The following HTT variants were observed in gnomAD, a reference collection of about 807,000 sequenced individuals.
The protein encoded by HTT is huntington disease protein.
In HTT, 104 loss-of-function variants were observed where a neutral mutation model predicts 362.3. That is an observed-to-expected ratio of 0.29 (90% CI 0.24 to 0.34). The LOEUF (loss-of-function observed/expected upper bound fraction) is 0.34, where lower values mean the gene tolerates loss of function less well. HTT is among the 10% of genes least tolerant of loss of function. The pLI is 1.00. For synonymous variants in HTT, 1,577 were observed against 1,548.7 expected (o/e 1.02, Z -0.43); for missense variants, 3,301 against 3,928.6 (o/e 0.84, Z 4.27).
At chr4:3,199,540 CAA>C (rs35872985) in intron 40 of HTT, among the ~76,000 whole-genome samples, 190 bp from the exon 41 acceptor site, 36 of 111,246 alleles carry the variant, frequency 3.2e-4, no homozygotes, top group Admixed American at 3.7e-4. Flanking sequence ...AACTCTATCT[CAA>C]AAAAAAAAAA....
intron 22 of HTT, 83 bp downstream of exon 22, chr4:3,140,739 T>G: frequency 7.4e-7 from 1 of 1,350,784 alleles, no homozygotes; most frequent in Non-Finnish European, 1.0e-6. Flanking sequence ...TTGAAAACAT[T>G]TTATTTTCTA....
intron 6 of HTT, among the ~76,000 whole-genome samples, chr4:3,113,207 C>G (rs1578508754): frequency 6.6e-6 from 1 of 152,044 alleles, no homozygotes; most frequent in African/African-American, 2.4e-5. Flanking sequence ...CTGAGGAGGC[C>G]CCTTGGAGCT....
At chr4:3,089,583 A>C (rs1713396277) in intron 2 of HTT, among the ~76,000 whole-genome samples, 1 of 152,154 alleles carries the variant, frequency 6.6e-6, no homozygotes, top group Admixed American at 6.5e-5. Flanking sequence ...ATGACTTTAA[A>C]TACTTGGCAA....
Position 3,189,106 on chromosome 4 carries a change from C to T in HTT, c.5368+13C>T. ...ATCTTCAAGTCTGGTAGGTGAATCACATTAGTCTTCCTGGAGTGTCTCGTT... is the reference window on the plus strand; with the variant it reads ...ATCTTCAAGTCTGGTAGGTGAATCATATTAGTCTTCCTGGAGTGTCTCGTT... On this transcript the variant is annotated intron_variant, in intron 40 of 66. Transcript: ENST00000355072. The T allele has an allele frequency of 1.9e-6, 3 of 1,613,306 alleles. No homozygotes were observed. Among genetic ancestry groups the T allele is most frequent in the Non-Finnish European group, 2.5e-6 (3 of 1,179,346 alleles).
intron 50 of HTT, among the ~76,000 whole-genome samples, chr4:3,214,466 A>G (rs1391393062): frequency 6.6e-6 from 1 of 152,236 alleles, no homozygotes; most frequent in African/African-American, 2.4e-5. Context: ...CATAAGATTA[A>G]TAACATTACA....
chr4:3,126,877 T>C (rs1475066571), intron 11 of HTT, among the ~76,000 whole-genome samples: 5 of 152,344 alleles, frequency 3.3e-5, no homozygotes, highest in African/African-American at 7.2e-5. Context: ...TTCTGACCAC[T>C]GCTTGCTTAG....
chr4:3,175,303 GC>G (rs923265716), intron 33 of HTT, among the ~76,000 whole-genome samples, 196 bp downstream of exon 33: 2 of 152,180 alleles, frequency 1.3e-5, no homozygotes, highest in African/African-American at 4.8e-5. Flanking sequence ...CAGCATCCTT[GC>G]CCCAGCTCCC....
chr4:3,125,221 C>T (rs1333472777), intron 10 of HTT, among the ~76,000 whole-genome samples: 1 of 151,864 alleles, frequency 6.6e-6, no homozygotes, highest in Non-Finnish European at 1.5e-5. Context: ...TTATAACTTA[C>T]CATTTTTAAG....
At chr4:3,169,024 T>TTC (rs1399722858) in intron 29 of HTT, among the ~76,000 whole-genome samples, 2 of 146,072 alleles carry the variant, frequency 1.4e-5, no homozygotes, top group Non-Finnish European at 3.0e-5. Flanking sequence ...CTTTCTTTCT[T>TTC]TTTTTTTTTT....
chr4:3,093,250 C>T (rs1713614852), intron 2 of HTT, among the ~76,000 whole-genome samples: 1 of 152,168 alleles, frequency 6.6e-6, no homozygotes. Flanking sequence ...AATTTCTAAT[C>T]ACACCAGTTG....
At chr4:3,188,681 A>G in intron 39 of HTT, 1 of 277,440 alleles carries the variant, frequency 3.6e-6, no homozygotes, top group Non-Finnish European at 6.7e-6. Context: ...TTCCTGTGAC[A>G]GATGATCAGC....
intron 26 of HTT, among the ~76,000 whole-genome samples, chr4:3,148,709 A>C (rs1254767820): frequency 2.0e-5 from 3 of 152,182 alleles, no homozygotes. Context: ...GAGGCAGGAG[A>C]ATGGCGTGAA....
At chr4:3,076,247 C>T (rs981785876) in intron 1 of HTT, among the ~76,000 whole-genome samples, 3 of 152,176 alleles carry the variant, frequency 2.0e-5, no homozygotes, top group African/African-American at 7.2e-5. Context: ...GTCTGTGTGT[C>T]GAGTGTACAG....
chr4:3,135,071 C>G (rs1715996401), intron 19 of HTT, among the ~76,000 whole-genome samples: 1 of 151,200 alleles, frequency 6.6e-6, no homozygotes, highest in African/African-American at 2.4e-5. Context: ...TTTGGTAGTC[C>G]TCGTCATTTA....
At position 3,157,071 on chromosome 4, in the gene HTT, GCTT is replaced by G. The variant is rs753059369; in HGVS notation, c.3628_3630del (p.Ser1210del). The stretch of plus-strand genomic sequence containing the variant: ...TATCTTTTGTGTGCATATTTTTAAA[GCTT>G]CTAGACAATCTGATACCTCAGGTCC... On this transcript the variant is annotated inframe_deletion and splice_region_variant, in exon 28 of 67. Transcript: ENST00000355072. 3 of 1,588,274 alleles carry G rather than the reference GCTT, an allele frequency of 1.9e-6. No individual in the cohort carries two copies. The highest frequency in any genetic ancestry group is 2.6e-6 in the Non-Finnish European group (3 of 1,172,420).
intron 20 of HTT, 103 bp downstream of exon 20, chr4:3,136,070 T>C: frequency 1.1e-6 from 1 of 947,618 alleles, no homozygotes; most frequent in Non-Finnish European, 1.6e-6. Context: ...GTTTTAGATG[T>C]TTATTTCACA....
chr4:3,119,264 G>T (rs1278384673), intron 8 of HTT, among the ~76,000 whole-genome samples: 1 of 152,134 alleles, frequency 6.6e-6, no homozygotes, highest in Non-Finnish European at 1.5e-5. Flanking sequence ...CAAGGAGGGA[G>T]AAAAAGGCAA....
chr4:3,092,058 G>A (rs576366107), intron 2 of HTT, among the ~76,000 whole-genome samples: 1 of 152,156 alleles, frequency 6.6e-6, no homozygotes, highest in Non-Finnish European at 1.5e-5. Flanking sequence ...GTCTTGCACT[G>A]TCCGCCTGGG....
chr4:3,083,544 C>T lies in HTT; in HGVS notation c.264-3395C>T, dbSNP rs1282133260. On this transcript the variant is annotated intron_variant, in intron 1 of 66. Coordinates refer to ENST00000355072, the MANE Select transcript of HTT (RefSeq NM_001388492.1). ...GTCTCTAAATATACACACACACACA[C>T]ACACACACACACACACACACACACA... Among the ~76,000 whole-genome samples, 174 of 120,474 alleles carry T rather than the reference C, an allele frequency of 1.4e-3. 2 individuals are homozygous for T. Among genetic ancestry groups the T allele is most frequent in the African/African-American group, 5.7e-3 (137 of 24,208 alleles). The allele number at this position is 120,474 out of a possible 152,430, so 79.0% of individuals were successfully genotyped here.
Sources: gnomAD v4.1 joint callset for allele counts (sites outside exome capture counted in the v4.1 genomes callset) on GRCh38, gnomAD v4.1.1 for gene constraint, MANE v1.5 for transcripts, NCBI Gene and HGNC (gene_info 2026-07-23, HGNC 2026-07-21) for gene names.